KMT2C: variants seen among roughly 807,000 people sequenced by gnomAD.
The protein encoded by KMT2C is lysine methyltransferase 2C.
KMT2C carries 88 observed loss-of-function variants against 507.9 expected under a neutral mutation model. That is an observed-to-expected ratio of 0.17 (90% CI 0.15 to 0.21). The LOEUF (loss-of-function observed/expected upper bound fraction) is 0.21. Among genes scored for constraint, KMT2C ranks in the 10% least tolerant of loss-of-function variants. KMT2C has a pLI of 1.00. For missense variants in KMT2C, 4,954 were observed against 5,957.8 expected (o/e 0.83, Z 5.55); for synonymous variants, 2,049 against 2,080.8 (o/e 0.98, Z 0.42).
intron 1 of KMT2C, among the ~76,000 whole-genome samples, chr7:152,369,469 C>T (rs1296285971): frequency 6.6e-6 from 1 of 151,950 alleles, no homozygotes; most frequent in African/African-American, 2.4e-5. Context: ...CTAACACACA[C>T]AAAAAAATGA....
At chr7:152,213,993 A>G (rs1213020096) in intron 23 of KMT2C, among the ~76,000 whole-genome samples, 2 of 152,214 alleles carry the variant, frequency 1.3e-5, no homozygotes, top group African/African-American at 4.8e-5. Flanking sequence ...TAATCATGAG[A>G]AAAATGAAAA....
At position 152,180,804 on chromosome 7, in the gene KMT2C, G is replaced by C. The variant is rs17173370; in HGVS notation, c.7056C>G (p.Val2352=). 5.4e-3 allele frequency: 8,687 copies of C among 1,614,112 alleles called. 395 individuals are homozygous for C. In the African/African-American group the frequency reaches 0.1, roughly 19 times the overall value. ...TTGGCACAGGTCCAGGAAGTTGGGA[G>C]ACACCAGAGAACTGCTGGCCTTGGG... The part of the protein sequence containing the change: ...MHSQGQQFSG[V]SQLPGPVPTS... Residue 2352 remains valine (V), a synonymous_variant, in exon 36 of 59, where the codon GTC becomes GTG. Transcript: ENST00000262189.
chr7:152,248,495 T>C lies in KMT2C; in HGVS notation c.1939A>G (p.Met647Val), dbSNP rs778442389. The change falls in exon 14 of 59, where the codon ATG becomes GTG. Residue 647 changes from methionine to valine, a missense_variant. By Grantham distance (21) the Met-to-Val change is conservative (BLOSUM62 1). Coordinates refer to ENST00000262189, the MANE Select transcript of KMT2C (RefSeq NM_170606.3). The stretch of plus-strand genomic sequence containing the variant: ...ACTTCAATGTTTTCTGTCACTTCCA[T>C]TTTATCTTCAATTTGATCTTCGCCA... The part of the protein sequence containing the change: ...ICGEDQIEDK[M>V]EVTENIEVVT... 9 of 1,614,046 alleles carry C rather than the reference T, an allele frequency of 5.6e-6. No individual in the cohort carries two copies. Among genetic ancestry groups the C allele is most frequent in the Non-Finnish European group, 6.8e-6 (8 of 1,179,974 alleles).
In KMT2C at chr7:152,162,374, T is replaced by G; in HGVS notation, c.11203A>C (p.Lys3735Gln). 6.2e-7 allele frequency: 1 copy of G among 1,614,246 alleles called. No individual in the cohort carries two copies. Among genetic ancestry groups the G allele is most frequent in the East Asian group, 2.2e-5 (1 of 44,888 alleles). The change falls in exon 43 of 59, where the codon AAA becomes CAA. Residue 3735 changes from lysine to glutamine, a missense_variant. Transcript: ENST00000262189. The part of the protein sequence containing the change: ...TESCPGQEEP[K>Q]LEEQNGSKVE... The stretch of plus-strand genomic sequence containing the variant: ...TTACTACCATTCTGTTCCTCCAATT[T>G]AGGCTCCTCTTGGCCTGGGCAGGAC...
chr7:152,382,464 C>T (rs2097383314), intron 1 of KMT2C, among the ~76,000 whole-genome samples: 2 of 152,184 alleles, frequency 1.3e-5, no homozygotes, highest in Non-Finnish European at 2.9e-5. Context: ...CCTTCCCCCA[C>T]CCCACCCAAT....
chr7:152,171,067 A>C (rs2092939840), intron 40 of KMT2C, among the ~76,000 whole-genome samples, 197 bp downstream of exon 40: 1 of 152,224 alleles, frequency 6.6e-6, no homozygotes, highest in African/African-American at 2.4e-5. Flanking sequence ...GGCTGTGCTG[A>C]TAGATAAGGC....
At chr7:152,338,400 C>G (rs1019428186) in intron 2 of KMT2C, among the ~76,000 whole-genome samples, 4 of 151,932 alleles carry the variant, frequency 2.6e-5, no homozygotes, top group Non-Finnish European at 5.9e-5. Flanking sequence ...TTTAATGGAT[C>G]TAGATGAAAG....
At chr7:152,401,302 C>G (rs973513675) in intron 1 of KMT2C, among the ~76,000 whole-genome samples, 2 of 151,796 alleles carry the variant, frequency 1.3e-5, no homozygotes, top group African/African-American at 4.8e-5. Context: ...CTGGTCTCGG[C>G]CTCCCGCCCT....
chr7:152,417,737 G>C (rs149784603), intron 1 of KMT2C, among the ~76,000 whole-genome samples: 3,512 of 150,390 alleles, frequency 0.023, 65 homozygotes, highest in Middle Eastern at 0.038. Flanking sequence ...CGCCTCCTGG[G>C]TTCACGCCAT....
rs2129124509 is a variant in KMT2C, at chr7:152,187,272, T to C, written c.4998A>G (p.Glu1666=). The C allele has an allele frequency of 6.2e-7, 1 of 1,613,194 alleles. No individual in the cohort carries two copies. Among genetic ancestry groups the C allele is most frequent in the Non-Finnish European group, 8.5e-7 (1 of 1,179,114 alleles). ...YTNINFPNLK[E]EFPDWTTRVK... ...ATATTCATGGCTTACCAGGGAATTC[T>C]TCCTTTAAGTTGGGGAAATTAATAT... The change falls in exon 33 of 59, where the codon GAA becomes GAG. Residue 1666 remains glutamate (E), a synonymous_variant. Transcript: ENST00000262189.
chr7:152,170,643 T>C (rs10260957), intron 40 of KMT2C, among the ~76,000 whole-genome samples: 6,415 of 152,064 alleles, frequency 0.042, 477 homozygotes, highest in African/African-American at 0.15. Flanking sequence ...GCTGGGACTA[T>C]AGGTGTGCGC....
At chr7:152,385,366 A>G (rs2116500996) in intron 1 of KMT2C, among the ~76,000 whole-genome samples, 1 of 140,524 alleles carries the variant, frequency 7.1e-6, no homozygotes, top group Admixed American at 6.8e-5. Flanking sequence ...TAATCCCAGC[A>G]CTTTGGGAGG....
rs778818239 is a variant in KMT2C at position 152,181,186 on chromosome 7, G to C, written c.6674C>G (p.Pro2225Arg). Residue 2225 changes from proline to arginine, a missense_variant, in exon 36 of 59, where the codon CCA (proline) becomes CGA (arginine). Physicochemically the swap from Pro to Arg is moderately radical, Grantham distance 103. Around this residue, in one of 29 missense-constraint regions of KMT2C, gnomAD observed 1,689 missense variants for 1,654.3 expected, o/e 1.02. Transcript: ENST00000262189. ...SVPYSQPPAT[P>R]RPRISEGFTR... The stretch of plus-strand genomic sequence containing the variant: ...AAAACCCTCTGAAATCCTTGGCCTT[G>C]GTGTTGCTGGTGGCTGAGAGTAAGG... The C allele has an allele frequency of 6.2e-7, 1 of 1,614,086 alleles. No homozygotes were observed. Among genetic ancestry groups the C allele is most frequent in the South Asian group, 1.1e-5 (1 of 91,066 alleles).
At chr7:152,273,590 T>C in intron 7 of KMT2C, 115 bp downstream of exon 7, 1 of 1,110,444 alleles carries the variant, frequency 9.0e-7, no homozygotes, top group Non-Finnish European at 1.2e-6. Context: ...ATTTTAAAGA[T>C]TATGTATTAT....
chr7:152,352,222 C>A (rs897911481), intron 2 of KMT2C, among the ~76,000 whole-genome samples: 1 of 152,128 alleles, frequency 6.6e-6, no homozygotes, highest in Non-Finnish European at 1.5e-5. Context: ...CGCTCCCAGG[C>A]TTATTAGGAA....
intron 1 of KMT2C, among the ~76,000 whole-genome samples, chr7:152,365,255 A>C (rs2097232390): frequency 6.6e-6 from 1 of 152,248 alleles, no homozygotes; most frequent in African/African-American, 2.4e-5. Flanking sequence ...TCACGCCTAT[A>C]ATCCCAGCAC....
chr7:152,202,267 C>T (rs2094166884), intron 26 of KMT2C, among the ~76,000 whole-genome samples: 1 of 152,080 alleles, frequency 6.6e-6, no homozygotes, highest in Non-Finnish European at 1.5e-5. Context: ...TAGGAATTTA[C>T]AATTAGTTAG....
At chr7:152,297,051 AAGACAGAGAGAGAGAGAGAGAGAGAG>A (rs1421791968) in intron 6 of KMT2C, among the ~76,000 whole-genome samples, 38 of 60,238 alleles carry the variant, frequency 6.3e-4, no homozygotes, top group Non-Finnish European at 1.0e-3. Flanking sequence ...GAAAGAAAGA[AAGACAGAGAGAGAGAGAGAGAGAGAG>A]AGAGAGAGAG....
intron 2 of KMT2C, among the ~76,000 whole-genome samples, chr7:152,345,579 C>T (rs937252772): frequency 1.3e-5 from 2 of 152,158 alleles, no homozygotes; most frequent in Admixed American, 6.5e-5. Context: ...GGCTGGAGTG[C>T]AATGGCACGA....
Sources: allele counts gnomAD v4.1 joint callset (sites outside exome capture counted in the v4.1 genomes callset), GRCh38; gene constraint gnomAD v4.1.1; regional missense constraint gnomAD v4.1.1; transcripts MANE v1.5; gene names NCBI Gene and HGNC (gene_info 2026-07-23, HGNC 2026-07-21).